Variants in KIF18A observed in about 807,000 individuals in gnomAD.
KIF18A encodes kinesin-like protein KIF18A.
KIF18A carries 67 observed loss-of-function variants against 103.3 expected under a neutral mutation model. The ratio of observed to expected loss-of-function variants is 0.65; its 90% CI spans 0.53 to 0.79. The LOEUF is 0.79. Ranked by LOEUF, KIF18A falls within the 30% of genes least tolerant of loss-of-function variation. The pLI, the probability that KIF18A is intolerant of heterozygous loss-of-function variation, is 0.00. For missense variants in KIF18A, 1,032 were observed against 1,062.5 expected, an observed-to-expected ratio of 0.97 and a Z score of 0.40; for synonymous variants, 367 against 355.5, an observed-to-expected ratio of 1.03 and a Z score of -0.36.
At chr11:28,095,491 G>T (rs532178333) in intron 2 of KIF18A, among the ~76,000 whole-genome samples, 2 of 152,224 alleles carry the variant, frequency 1.3e-5, no homozygotes, top group African/African-American at 4.8e-5. Context: ...CCTCTCTTCT[G>T]GCATGTATCA....
In KIF18A at chr11:28,036,110, A is replaced by G. The variant is rs1015663674; in HGVS notation, c.2396+107T>C. On this transcript the variant is annotated intron_variant, in intron 14 of 16. Coordinates refer to ENST00000263181, the MANE Select transcript of KIF18A (RefSeq NM_031217.4). ...TTAAAATTTAATGAAAATAAAACAGACTGTTTTATAATCAAAATGGCACAC... is the reference window on the plus strand; with the variant it reads ...TTAAAATTTAATGAAAATAAAACAGGCTGTTTTATAATCAAAATGGCACAC... The G allele has an allele frequency of 1.6e-5, 10 of 636,082 alleles. No individual in the cohort carries two copies. The East Asian group carries it at 2.5e-4, about 16-fold the overall frequency. 39.4% of individuals were successfully genotyped at this position (636,082 alleles called of 1,614,324 possible).
Position 28,021,054 on chromosome 11 carries a change from A to AT in KIF18A, c.*145dup. 1 of 676,338 alleles carries AT rather than the reference A, an allele frequency of 1.5e-6. No individual in the cohort carries two copies. Among genetic ancestry groups the AT allele is most frequent in the Non-Finnish European group, 2.0e-6 (1 of 490,934 alleles). The allele number at this position is 676,338 out of a possible 1,614,324, so 41.9% of individuals were successfully genotyped here. A position where few individuals can be genotyped will look rare whatever the true frequency, so the allele number is the denominator to read the frequency against. Reference sequence around the variant, plus strand: ...ACAAAAGAAGAAAACAAAGAGTTTCATTTTTCTGCTTGCTGAAAGTACTTG... The same window carrying AT: ...ACAAAAGAAGAAAACAAAGAGTTTCATTTTTTCTGCTTGCTGAAAGTACTTG... On this transcript the variant is annotated 3_prime_UTR_variant, in exon 17 of 17. Transcript: ENST00000263181.
intron 7 of KIF18A, among the ~76,000 whole-genome samples, chr11:28,083,616 C>T (rs562488369): frequency 1.7e-4 from 26 of 151,982 alleles, no homozygotes; most frequent in Non-Finnish European, 3.2e-4. Flanking sequence ...TAGTATGGGC[C>T]CCTTGACATT....
At chr11:28,054,159 C>A (rs1394925167) in intron 13 of KIF18A, among the ~76,000 whole-genome samples, 1 of 151,450 alleles carries the variant, frequency 6.6e-6, no homozygotes, top group Non-Finnish European at 1.5e-5. Flanking sequence ...ATTTATTAAA[C>A]AACCCAAATG....
intron 15 of KIF18A, among the ~76,000 whole-genome samples, chr11:28,028,726 C>T (rs1226350911): frequency 2.0e-5 from 3 of 151,990 alleles, no homozygotes; most frequent in South Asian, 4.2e-4. Flanking sequence ...TTCAAAAAAT[C>T]AATGAATCCA....
At chr11:28,042,083 G>C (rs559922256) in intron 13 of KIF18A, among the ~76,000 whole-genome samples, 1 of 151,832 alleles carries the variant, frequency 6.6e-6, no homozygotes, top group East Asian at 1.9e-4. Context: ...ATAGAGACTT[G>C]AGGCAGTAGA....
At chr11:28,070,919 T>C (rs1851004844) in intron 10 of KIF18A, among the ~76,000 whole-genome samples, 1 of 152,176 alleles carries the variant, frequency 6.6e-6, no homozygotes, top group African/African-American at 2.4e-5. Flanking sequence ...TCGTGGCATG[T>C]GCCTGTAGTT....
chr11:28,067,946 T>C (rs1348524220), intron 11 of KIF18A, among the ~76,000 whole-genome samples: 1 of 152,202 alleles, frequency 6.6e-6, no homozygotes, highest in Non-Finnish European at 1.5e-5. Flanking sequence ...TAAATTATTC[T>C]ACTATAAAGA....
intron 10 of KIF18A, among the ~76,000 whole-genome samples, chr11:28,070,567 CT>C (rs1162423918): frequency 1.3e-5 from 2 of 152,214 alleles, no homozygotes; most frequent in Non-Finnish European, 2.9e-5. Context: ...GTTCCTGACT[CT>C]TTTTTATGGC....
intron 1 of KIF18A, among the ~76,000 whole-genome samples, chr11:28,105,734 G>A (rs930278051): frequency 1.4e-4 from 22 of 152,256 alleles, no homozygotes; most frequent in African/African-American, 5.3e-4. Context: ...GTACTTGTCA[G>A]ATATCACAGA....
intron 13 of KIF18A, among the ~76,000 whole-genome samples, chr11:28,055,982 A>G (rs1369814910): frequency 6.6e-6 from 1 of 152,126 alleles, no homozygotes; most frequent in African/African-American, 2.4e-5. Context: ...TCCTTTATAT[A>G]TAAAATAATA....
chr11:28,043,129 C>T (rs926417980), intron 13 of KIF18A, among the ~76,000 whole-genome samples: 1 of 151,812 alleles, frequency 6.6e-6, no homozygotes, highest in African/African-American at 2.4e-5. Context: ...AAAAGTAGCG[C>T]TAAGAGGCTC....
chr11:28,051,910 T>C (rs531405692), intron 13 of KIF18A, among the ~76,000 whole-genome samples: 2 of 152,248 alleles, frequency 1.3e-5, no homozygotes, highest in African/African-American at 4.8e-5. Flanking sequence ...CCTAATTTTC[T>C]ACAACCTCCA....
In KIF18A at chr11:28,062,458, G is replaced by A; in HGVS notation, c.1649C>T (p.Ala550Val). The change falls in exon 12 of 17, where the codon GCA (alanine) becomes GTA (valine). Residue 550 changes from alanine to valine, a missense_variant. Transcript: ENST00000263181. ...HLHLQNKDLK[A>V]QIRHMMDLAC... is the part of the protein sequence containing the mutation. ...TAGATCCATCATATGTCTAATTTGT[G>A]CTTTCAAATCTTTGTTCTGGAGGTG... is the stretch of plus-strand genomic sequence containing the variant. 1 of 1,611,662 alleles carries A rather than the reference G, an allele frequency of 6.2e-7. No individual in the cohort carries two copies. Among genetic ancestry groups the A allele is most frequent in the East Asian group, 2.2e-5 (1 of 44,734 alleles).
intron 12 of KIF18A, 28 bp downstream of exon 12, chr11:28,062,367 T>C: frequency 6.4e-7 from 1 of 1,559,286 alleles, no homozygotes; most frequent in Non-Finnish European, 8.7e-7. Flanking sequence ...GTGTTAAAAT[T>C]GGAAAATAGG....
At chr11:28,077,289 A>T (rs1302232059) in intron 9 of KIF18A, 120 bp from the exon 10 acceptor site, 8 of 601,694 alleles carry the variant, frequency 1.3e-5, no homozygotes, top group Non-Finnish European at 2.2e-5. Context: ...ACACTCAATG[A>T]TAAACAGCAA....
chr11:28,075,902 AT>A lies in KIF18A; in HGVS notation c.1425+1104del, dbSNP rs576965581. 3.9e-5 allele frequency among the ~76,000 whole-genome samples: 6 copies of A among 152,258 alleles called. No homozygotes were observed. The South Asian group carries it at 1.2e-3, about 32-fold the overall frequency. On this transcript the variant is annotated intron_variant, in intron 10 of 16. Transcript: ENST00000263181. Reference sequence around the variant, plus strand: ...GGTTGTAACAATTTAAACCTCAATCATTGTGAAAAGCAAGCCTATAATGGTA... The same window carrying A: ...GGTTGTAACAATTTAAACCTCAATCATGTGAAAAGCAAGCCTATAATGGTA...
chr11:28,052,436 C>A (rs948446644), intron 13 of KIF18A, among the ~76,000 whole-genome samples: 2 of 151,710 alleles, frequency 1.3e-5, no homozygotes, highest in African/African-American at 4.9e-5. Context: ...CCTCACCAGC[C>A]TTTGAATATG....
At position 28,023,738 on chromosome 11, in the gene KIF18A, T is replaced by C. The variant is rs1256916126; in HGVS notation, c.2614+3A>G. The C allele has an allele frequency of 3.3e-6, 5 of 1,523,836 alleles. No homozygotes were observed. In the African/African-American group the frequency reaches 5.5e-5, roughly 17 times the overall value. The allele number at this position is 1,523,836 out of a possible 1,614,324, so 94.4% of individuals were successfully genotyped here. A position where few individuals can be genotyped will look rare whatever the true frequency, so the allele number is the denominator to read the frequency against. ...AAATATCAAATTAAAAGCTGAGACATACCCATTGTTGGTTTGTTTTCTTGT... is the reference window on the plus strand; with the variant it reads ...AAATATCAAATTAAAAGCTGAGACACACCCATTGTTGGTTTGTTTTCTTGT... On this transcript the variant is annotated splice_donor_region_variant and intron_variant, in intron 16 of 16. Transcript: ENST00000263181.
Sources: gnomAD v4.1 joint callset for allele counts (sites outside exome capture counted in the v4.1 genomes callset) on GRCh38, gnomAD v4.1.1 for gene constraint, MANE v1.5 for transcripts, NCBI Gene and HGNC (gene_info 2026-07-23, HGNC 2026-07-21) for gene names.